PLCXD3: variants seen among roughly 807,000 people sequenced by gnomAD.
The protein encoded by PLCXD3 is phosphatidylinositol specific phospholipase C X domain containing 3.
A neutral mutation model predicts 25.5 loss-of-function variants in PLCXD3; 19 were observed. The ratio of observed to expected loss-of-function variants is 0.75; its 90% CI spans 0.52 to 1.09. The LOEUF (loss-of-function observed/expected upper bound fraction) is 1.09, where lower values mean the gene tolerates loss of function less well. PLCXD3 is among the 50% of genes least tolerant of loss of function. The pLI is 0.00. For missense variants in PLCXD3, 411 were observed against 388.1 expected (o/e 1.06, Z -0.50); for synonymous variants, 174 against 137.6 (o/e 1.26, Z -1.85).
At chr5:41,362,077 G>A (rs1457478505) in intron 2 of PLCXD3, among the ~76,000 whole-genome samples, 1 of 152,068 alleles carries the variant, frequency 6.6e-6, no homozygotes, top group Non-Finnish European at 1.5e-5. Context: ...GAAATATTCT[G>A]GGCAAGAATC....
At chr5:41,463,636 A>G (rs1193119215) in intron 1 of PLCXD3, among the ~76,000 whole-genome samples, 1 of 152,008 alleles carries the variant, frequency 6.6e-6, no homozygotes, top group Non-Finnish European at 1.5e-5. Context: ...ACAACTTCTT[A>G]GGGATCTTCC....
chr5:41,360,181 T>C (rs1744733309), intron 2 of PLCXD3, among the ~76,000 whole-genome samples: 1 of 152,220 alleles, frequency 6.6e-6, no homozygotes, highest in Admixed American at 6.5e-5. Context: ...TCCTTGATTT[T>C]CAGAAATTGT....
intron 1 of PLCXD3, among the ~76,000 whole-genome samples, chr5:41,481,278 A>G (rs1416677357): frequency 6.6e-6 from 1 of 152,194 alleles, no homozygotes; most frequent in Non-Finnish European, 1.5e-5. Flanking sequence ...TAAGTATTAG[A>G]GTTAATACAT....
intron 1 of PLCXD3, among the ~76,000 whole-genome samples, chr5:41,504,464 T>C (rs1166653094): frequency 6.6e-6 from 1 of 152,106 alleles, no homozygotes; most frequent in Non-Finnish European, 1.5e-5. Context: ...GATGCCTGGT[T>C]TTGGCAGTGC....
intron 1 of PLCXD3, among the ~76,000 whole-genome samples, chr5:41,387,082 C>A (rs1745660356): frequency 6.6e-6 from 1 of 152,072 alleles, no homozygotes; most frequent in African/African-American, 2.4e-5. Flanking sequence ...GTGTTTTCAT[C>A]TGTTAATCTG....
At chr5:41,505,183 G>T (rs993164530) in intron 1 of PLCXD3, among the ~76,000 whole-genome samples, 1 of 152,026 alleles carries the variant, frequency 6.6e-6, no homozygotes, top group Non-Finnish European at 1.5e-5. Flanking sequence ...GAACATTGTG[G>T]TATCCATTTA....
intron 1 of PLCXD3, among the ~76,000 whole-genome samples, chr5:41,455,843 C>A (rs893855117): frequency 6.6e-6 from 1 of 151,930 alleles, no homozygotes; most frequent in African/African-American, 2.4e-5. Context: ...CAGGAAGCTG[C>A]AGTTCTCCTA....
At chr5:41,342,370 A>T (rs4245978) in intron 2 of PLCXD3, among the ~76,000 whole-genome samples, 1 of 152,034 alleles carries the variant, frequency 6.6e-6, no homozygotes, top group South Asian at 2.1e-4. Context: ...AATCTAGAAA[A>T]CCTGAATATA....
At chr5:41,496,814 T>C (rs1294062601) in intron 1 of PLCXD3, among the ~76,000 whole-genome samples, 1 of 151,714 alleles carries the variant, frequency 6.6e-6, no homozygotes, top group Non-Finnish European at 1.5e-5. Context: ...ACTATAATGA[T>C]ATGTAAATCA....
At chr5:41,330,010 C>T (rs951876002) in intron 2 of PLCXD3, among the ~76,000 whole-genome samples, 11 of 151,534 alleles carry the variant, frequency 7.3e-5, no homozygotes, top group East Asian at 3.9e-4. Context: ...CAGTTATGGG[C>T]GAACAATTGT....
rs984074493 is a variant in PLCXD3, at chr5:41,308,767, A to C, written c.*4850T>G. On this transcript the variant is annotated 3_prime_UTR_variant, in exon 3 of 3. Coordinates refer to ENST00000377801, the MANE Select transcript of PLCXD3 (RefSeq NM_001005473.3). ...ATGGAAAATTTATCATTAAAGAAAA[A>C]TGGGTGCCATGTTGGGAAGGTCAAC... The C allele has an allele frequency of 6.6e-6, 1 of 152,192 alleles. No homozygotes were observed. Among genetic ancestry groups the C allele is most frequent in the East Asian group, 1.9e-4 (1 of 5,200 alleles). The allele number at this position is 152,192 out of a possible 1,614,324, so 9.4% of individuals were successfully genotyped here.
chr5:41,491,519 ACGT>A (rs1748670408), intron 1 of PLCXD3, among the ~76,000 whole-genome samples: 1 of 152,044 alleles, frequency 6.6e-6, no homozygotes, highest in South Asian at 2.1e-4. Context: ...GATCTGTCTA[ACGT>A]CGACAGTGGG....
At chr5:41,394,438 T>C (rs1162063847) in intron 1 of PLCXD3, among the ~76,000 whole-genome samples, 1 of 151,760 alleles carries the variant, frequency 6.6e-6, no homozygotes, top group African/African-American at 2.4e-5. Flanking sequence ...AAGCAAATAA[T>C]AAAATGGCAG....
At chr5:41,493,917 G>C (rs560861221) in intron 1 of PLCXD3, among the ~76,000 whole-genome samples, 1 of 152,134 alleles carries the variant, frequency 6.6e-6, no homozygotes, top group African/African-American at 2.4e-5. Flanking sequence ...GCCCTGCTTC[G>C]GCTCGCGCAC....
chr5:41,315,370 A>T (rs938587883), intron 2 of PLCXD3, among the ~76,000 whole-genome samples: 2 of 152,170 alleles, frequency 1.3e-5, no homozygotes, highest in African/African-American at 4.8e-5. Context: ...AACCTAGAAG[A>T]AGTTGTATAA....
chr5:41,417,360 T>C (rs984176788), intron 1 of PLCXD3, among the ~76,000 whole-genome samples: 21 of 152,196 alleles, frequency 1.4e-4, no homozygotes, highest in African/African-American at 5.1e-4. Flanking sequence ...GAGCCCCAGC[T>C]GATTTTTGGG....
At chr5:41,506,967 T>G (rs1167365255) in intron 1 of PLCXD3, among the ~76,000 whole-genome samples, 2 of 147,888 alleles carry the variant, frequency 1.4e-5, no homozygotes, top group Non-Finnish European at 3.0e-5. Flanking sequence ...TGAAAAAGAT[T>G]TTTACATATT....
At chr5:41,475,599 CCTTCAGGTCT>C (rs748883187) in intron 1 of PLCXD3, 10 of 534,272 alleles carry the variant, frequency 1.9e-5, no homozygotes, top group East Asian at 5.4e-5. Context: ...TCTTCAGGTC[CCTTCAGGTCT>C]CTTCAGGTCT....
At chr5:41,361,497 C>T (rs772564986) in intron 2 of PLCXD3, among the ~76,000 whole-genome samples, 2 of 152,214 alleles carry the variant, frequency 1.3e-5, no homozygotes, top group African/African-American at 2.4e-5. Context: ...CCACATGTTG[C>T]TCCATTCATC....
Sources: allele counts gnomAD v4.1 joint callset (sites outside exome capture counted in the v4.1 genomes callset), GRCh38; gene constraint gnomAD v4.1.1; transcripts MANE v1.5; gene names NCBI Gene and HGNC (gene_info 2026-07-23, HGNC 2026-07-21).